CDIN1: variants seen among roughly 807,000 people sequenced by gnomAD.
CDIN1 encodes the protein CDAN1 interacting nuclease 1.
CDIN1 carries 33 observed loss-of-function variants against 45.3 expected under a neutral mutation model. That is an observed-to-expected ratio of 0.73 (90% confidence interval 0.55 to 0.97). The LOEUF (loss-of-function observed/expected upper bound fraction) is 0.97. Ranked by LOEUF, CDIN1 falls within the 50% of genes least tolerant of loss-of-function variation. The probability of loss-of-function intolerance (pLI) is 0.00; values close to 1 mark genes in which losing one functional copy is unlikely to be tolerated. For synonymous variants in CDIN1, 118 were observed against 124.4 expected, an observed-to-expected ratio of 0.95 and a Z score of 0.34; for missense variants, 303 against 339.4, an observed-to-expected ratio of 0.89 and a Z score of 0.84.
chr15:36,710,703 A>G (rs1169942071), intron 10 of CDIN1, among the ~76,000 whole-genome samples: 2 of 152,180 alleles, frequency 1.3e-5, no homozygotes, highest in Non-Finnish European at 2.9e-5. Context: ...TGTTCACACT[A>G]CATGTTTTTT....
At chr15:36,619,066 T>G in intron 1 of CDIN1, 1 of 1,235,498 alleles carries the variant, frequency 8.1e-7, no homozygotes, top group South Asian at 1.4e-5. Flanking sequence ...TGAAGCTCCT[T>G]AGAAGTCCCT....
At chr15:36,623,343 C>G (rs561580227) in intron 1 of CDIN1, among the ~76,000 whole-genome samples, 18 of 152,104 alleles carry the variant, frequency 1.2e-4, no homozygotes, top group Non-Finnish European at 2.1e-4. Context: ...TGAGCATATT[C>G]TTACTTGAGA....
At chr15:36,764,214 GTTTTTT>G (rs11297312) in intron 10 of CDIN1, among the ~76,000 whole-genome samples, 17 of 116,262 alleles carry the variant, frequency 1.5e-4, no homozygotes, top group Non-Finnish European at 2.2e-4. Flanking sequence ...TGTGGTTTTG[GTTTTTT>G]TTTTTTTTTT....
chr15:36,778,285 G>T (rs1485619561), intron 10 of CDIN1, among the ~76,000 whole-genome samples: 1 of 152,144 alleles, frequency 6.6e-6, no homozygotes, highest in Non-Finnish European at 1.5e-5. Flanking sequence ...AGTGACATGG[G>T]ATCAGCCTGG....
intron 5 of CDIN1, among the ~76,000 whole-genome samples, chr15:36,680,684 A>G (rs148637908): frequency 2.6e-5 from 4 of 152,280 alleles, no homozygotes; most frequent in Admixed American, 6.5e-5. Context: ...GCTTCCATGT[A>G]TAGCTCAAAC....
chr15:36,763,420 G>A (rs1367084219), intron 10 of CDIN1, among the ~76,000 whole-genome samples: 3 of 152,080 alleles, frequency 2.0e-5, no homozygotes, highest in Non-Finnish European at 4.4e-5. Context: ...CATCCAGTTG[G>A]CTTCATAAAA....
In CDIN1 at chr15:36,667,178, T is replaced by C. The variant is rs1477200010; in HGVS notation, c.346+9273T>C. On this transcript the variant is annotated intron_variant, in intron 5 of 10. Coordinates refer to ENST00000566621, the MANE Select transcript of CDIN1 (RefSeq NM_001321759.2). ...AGTCAGAAAGCTTGCAAGTCAATAC[T>C]GTAGGTAACAAATGTCCTTGCCTGG... 5.3e-5 allele frequency among the ~76,000 whole-genome samples: 8 copies of C among 152,368 alleles called. No individual in the cohort carries two copies. The South Asian group carries it at 1.0e-3, about 20-fold the overall frequency.
At chr15:36,754,169 G>A (rs1406234356) in intron 10 of CDIN1, among the ~76,000 whole-genome samples, 1 of 152,086 alleles carries the variant, frequency 6.6e-6, no homozygotes, top group Non-Finnish European at 1.5e-5. Context: ...GTATATTCTG[G>A]CAGACAAGTG....
chr15:36,591,247 TTCTG>T (rs1423881144), intron 1 of CDIN1, among the ~76,000 whole-genome samples: 1 of 152,212 alleles, frequency 6.6e-6, no homozygotes, highest in African/African-American at 2.4e-5. Flanking sequence ...AAAAATTTGT[TTCTG>T]TCTACAGCTC....
chr15:36,712,260 C>CTTTTTTTTTT (rs780494427), intron 10 of CDIN1, among the ~76,000 whole-genome samples: 6 of 77,398 alleles, frequency 7.8e-5, no homozygotes, highest in African/African-American at 1.0e-4. Flanking sequence ...TAGACTAATG[C>CTTTTTTTTTT]TTTTTTTTTT....
At chr15:36,703,655 C>T (rs540562009) in intron 8 of CDIN1, among the ~76,000 whole-genome samples, 14 of 152,116 alleles carry the variant, frequency 9.2e-5, no homozygotes, top group South Asian at 6.2e-4. Context: ...GGGTCAAACA[C>T]GTTACTGTGA....
chr15:36,808,703 C>A lies in CDIN1; in HGVS notation c.*250C>A. On this transcript the variant is annotated 3_prime_UTR_variant, in exon 11 of 11. Coordinates refer to ENST00000566621, the MANE Select transcript of CDIN1 (RefSeq NM_001321759.2). ...TATCAGCATTTCTGTCTCTGTCAAA[C>A]AATTAGTTTATAGATAGTCATAATC... 1 of 530,038 alleles carries A rather than the reference C, an allele frequency of 1.9e-6. No homozygotes were observed. The highest frequency in any genetic ancestry group is 3.5e-5 in the East Asian group (1 of 28,278). The allele number at this position is 530,038 out of a possible 1,614,324, so 32.8% of individuals were successfully genotyped here. A position where few individuals can be genotyped will look rare whatever the true frequency, so the allele number is the denominator to read the frequency against.
At chr15:36,780,137 T>C (rs1456448195) in intron 10 of CDIN1, among the ~76,000 whole-genome samples, 1 of 152,222 alleles carries the variant, frequency 6.6e-6, no homozygotes, top group Non-Finnish European at 1.5e-5. Context: ...TAGTGCCTTT[T>C]TGGGACCTGA....
chr15:36,776,512 T>G (rs546493010), intron 10 of CDIN1, among the ~76,000 whole-genome samples: 1 of 152,062 alleles, frequency 6.6e-6, no homozygotes, highest in Non-Finnish European at 1.5e-5. Flanking sequence ...CCAAGTCACA[T>G]AGAGCTAAAA....
At chr15:36,606,137 GTTTT>G (rs2038368631) in intron 1 of CDIN1, among the ~76,000 whole-genome samples, 1 of 151,852 alleles carries the variant, frequency 6.6e-6, no homozygotes, top group South Asian at 2.1e-4. Context: ...CTTGATGCTG[GTTTT>G]TTAAAAGCAT....
chr15:36,757,954 C>G (rs1325041536), intron 10 of CDIN1, among the ~76,000 whole-genome samples: 1 of 152,044 alleles, frequency 6.6e-6, no homozygotes, highest in Admixed American at 6.6e-5. Flanking sequence ...AGTATATTGT[C>G]ATAATGGTTC....
intron 10 of CDIN1, among the ~76,000 whole-genome samples, chr15:36,788,633 TTAG>T (rs2054567995): frequency 6.6e-6 from 1 of 152,168 alleles, no homozygotes; most frequent in African/African-American, 2.4e-5. Flanking sequence ...AATATCTCAA[TTAG>T]TTTCAAAACA....
chr15:36,650,402 T>TTTTATTTA (rs138686194), intron 3 of CDIN1, among the ~76,000 whole-genome samples: 15 of 142,758 alleles, frequency 1.1e-4, no homozygotes, highest in East Asian at 2.1e-4. Context: ...TTGAGAAAAT[T>TTTTATTTA]TTTATTTATT....
At chr15:36,691,999 TGATAGC>T in intron 6 of CDIN1, 121 bp from the exon 7 acceptor site, 3 of 985,604 alleles carry the variant, frequency 3.0e-6, no homozygotes, top group Non-Finnish European at 2.9e-6. Context: ...AACCGCCTTT[TGATAGC>T]TTTCTTTTTT....
Sources: allele counts gnomAD v4.1 joint callset (sites outside exome capture counted in the v4.1 genomes callset), GRCh38; gene constraint gnomAD v4.1.1; transcripts MANE v1.5; gene names NCBI Gene and HGNC (gene_info 2026-07-23, HGNC 2026-07-21).